Variants in NTRK3 observed in about 807,000 individuals in gnomAD.
NTRK3 encodes the protein NT-3 growth factor receptor.
NTRK3 carries 24 observed loss-of-function variants against 91.7 expected under a neutral mutation model. That is an observed-to-expected ratio of 0.26 (90% CI 0.19 to 0.37). The LOEUF is 0.37. NTRK3 is among the 10% of genes least tolerant of loss of function. NTRK3 has a pLI of 1.00. For synonymous variants in NTRK3, 483 were observed against 404.0 expected (o/e 1.20, Z -2.34); for missense variants, 880 against 1,068.9 (o/e 0.82, Z 2.46).
chr15:87,901,576 T>A (rs1397403321), intron 17 of NTRK3, among the ~76,000 whole-genome samples: 1 of 152,244 alleles, frequency 6.6e-6, no homozygotes, highest in Non-Finnish European at 1.5e-5. Flanking sequence ...TGAGTTGGGC[T>A]AAGTTCTTGT....
At chr15:87,941,897 A>C (rs2069902985) in intron 14 of NTRK3, among the ~76,000 whole-genome samples, 1 of 152,258 alleles carries the variant, frequency 6.6e-6, no homozygotes, top group African/African-American at 2.4e-5. Flanking sequence ...TTCAACAGGC[A>C]GAAGCCCATT....
At chr15:87,860,798 A>G (rs548168359) in exon 19 of NTRK3, 1 of 213,514 alleles carries the variant, frequency 4.7e-6, no homozygotes, top group South Asian at 1.9e-4. Flanking sequence ...AGCCTGGGAG[A>G]AAAACAAACG....
intron 13 of NTRK3, among the ~76,000 whole-genome samples, chr15:88,067,698 G>T (rs2142619972): frequency 6.6e-6 from 1 of 152,300 alleles, no homozygotes; most frequent in East Asian, 1.9e-4. Flanking sequence ...GGAGAAAAGA[G>T]GCCAAAGTTG....
chr15:87,929,492 A>G (rs2068610572), intron 16 of NTRK3, 58 bp from the exon 17 acceptor site: 1 of 1,600,348 alleles, frequency 6.2e-7, no homozygotes, highest in African/African-American at 1.3e-5. Context: ...TCAAGGAGAA[A>G]GGCCTTCCTG....
At chr15:88,252,162 C>T (rs1023689487) in intron 3 of NTRK3, among the ~76,000 whole-genome samples, 4 of 152,168 alleles carry the variant, frequency 2.6e-5, no homozygotes, top group Non-Finnish European at 5.9e-5. Context: ...TTTCTGCCCA[C>T]CTCTCTCAGA....
chr15:87,936,934 G>C (rs2069343098), intron 15 of NTRK3, among the ~76,000 whole-genome samples: 1 of 152,080 alleles, frequency 6.6e-6, no homozygotes. Flanking sequence ...GACTCTATAA[G>C]GTCTGGTCTC....
chr15:88,061,338 C>T (rs182297027), intron 13 of NTRK3, among the ~76,000 whole-genome samples: 325 of 152,284 alleles, frequency 2.1e-3, no homozygotes, highest in Middle Eastern at 3.4e-3. Context: ...GAGGAGGGAG[C>T]CCTGCCACGG....
intron 17 of NTRK3, chr15:87,928,291 T>G (rs1052780877): frequency 2.0e-5 from 3 of 152,246 alleles, no homozygotes; most frequent in African/African-American, 7.2e-5. Flanking sequence ...GGATCTTCTG[T>G]ATTTTTTAGC....
intron 3 of NTRK3, among the ~76,000 whole-genome samples, chr15:88,248,873 G>C (rs1449079626): frequency 6.6e-6 from 1 of 152,202 alleles, no homozygotes; most frequent in East Asian, 1.9e-4. Flanking sequence ...TGTATAGACA[G>C]ATTTCTCTTA....
At chr15:87,888,549 T>C (rs905231266) in intron 17 of NTRK3, among the ~76,000 whole-genome samples, 1 of 152,156 alleles carries the variant, frequency 6.6e-6, no homozygotes, top group African/African-American at 2.4e-5. Flanking sequence ...TGTAAGCAGC[T>C]TCCTGATGAT....
intron 3 of NTRK3, among the ~76,000 whole-genome samples, chr15:88,239,560 G>T (rs1225439285): frequency 6.6e-6 from 1 of 152,174 alleles, no homozygotes; most frequent in Non-Finnish European, 1.5e-5. Flanking sequence ...GTCAAGGCAG[G>T]TTCAGGTCAA....
At chr15:88,039,574 G>C (rs1447100401) in intron 13 of NTRK3, among the ~76,000 whole-genome samples, 2 of 152,200 alleles carry the variant, frequency 1.3e-5, no homozygotes, top group African/African-American at 2.4e-5. Flanking sequence ...TGAGGGTGTA[G>C]AGCAAGGAAT....
At chr15:88,005,362 T>A (rs2076412491) in intron 14 of NTRK3, among the ~76,000 whole-genome samples, 1 of 151,824 alleles carries the variant, frequency 6.6e-6, no homozygotes, top group African/African-American at 2.4e-5. Context: ...AAGACAAGAG[T>A]CTTGTGGGGA....
intron 3 of NTRK3, among the ~76,000 whole-genome samples, chr15:88,202,580 A>G (rs566585014): frequency 3.5e-4 from 53 of 152,320 alleles, no homozygotes; most frequent in African/African-American, 8.7e-4. Flanking sequence ...CGACCCATTC[A>G]TGTCCATCTT....
intron 17 of NTRK3, among the ~76,000 whole-genome samples, chr15:87,888,738 T>G (rs1391955641): frequency 1.3e-5 from 2 of 152,172 alleles, no homozygotes; most frequent in Non-Finnish European, 2.9e-5. Context: ...TCCCAGATAT[T>G]GCATAGAACA....
chr15:88,097,547 C>T (rs2049742608), intron 13 of NTRK3, among the ~76,000 whole-genome samples: 1 of 152,150 alleles, frequency 6.6e-6, no homozygotes, highest in Non-Finnish European at 1.5e-5. Context: ...AATTCCACCA[C>T]CAGGAATCTA....
At chr15:87,940,743 G>A (rs747323530) in exon 15 of NTRK3, 9 of 1,614,012 alleles carry the variant, frequency 5.6e-6, no homozygotes, top group Middle Eastern at 3.3e-4. Context: ...TCCTCTTAAT[G>A]TGCTGCACAT....
intron 14 of NTRK3, chr15:87,979,547 G>A (rs2074019784): frequency 3.4e-6 from 3 of 888,640 alleles, no homozygotes; most frequent in Non-Finnish European, 5.4e-6. Context: ...AAAACTAGGA[G>A]GGGAAATAGA....
intron 13 of NTRK3, among the ~76,000 whole-genome samples, chr15:88,035,364 G>A (rs915417218): frequency 1.3e-5 from 2 of 152,188 alleles, no homozygotes; most frequent in African/African-American, 2.4e-5. Flanking sequence ...AGAAGGCTCA[G>A]GAGAGGGCTG....
Sources: gnomAD v4.1 joint callset for allele counts (sites outside exome capture counted in the v4.1 genomes callset) on GRCh38, gnomAD v4.1.1 for gene constraint, MANE v1.5 for transcripts, NCBI Gene and HGNC (gene_info 2026-07-23, HGNC 2026-07-21) for gene names.